Variants in PDIA5 observed in about 807,000 individuals in gnomAD.
PDIA5 encodes protein disulfide isomerase family A member 5, also known as protein disulfide-isomerase A5.
A neutral mutation model predicts 77.6 loss-of-function variants in PDIA5; 58 were observed. That is an observed-to-expected ratio of 0.75 (90% CI 0.61 to 0.93). PDIA5 has a LOEUF of 0.93. PDIA5 is among the 40% of genes least tolerant of loss of function. The pLI is 0.00. For missense variants in PDIA5, 630 were observed against 647.7 expected (o/e 0.97, Z 0.30); for synonymous variants, 250 against 252.1 (o/e 0.99, Z 0.08).
chr3:123,094,022 A>G (rs1560508096), intron 3 of PDIA5, among the ~76,000 whole-genome samples: 1 of 152,212 alleles, frequency 6.6e-6, no homozygotes, highest in Non-Finnish European at 1.5e-5. Context: ...GTGGCTGAAG[A>G]CAGACTATGG....
At chr3:123,077,781 C>A (rs1933892395) in intron 1 of PDIA5, among the ~76,000 whole-genome samples, 1 of 151,676 alleles carries the variant, frequency 6.6e-6, no homozygotes, top group African/African-American at 2.4e-5. Context: ...TTTTAAGGGG[C>A]ATACAGTATG....
At chr3:123,138,955 G>A (rs922310769) in intron 11 of PDIA5, among the ~76,000 whole-genome samples, 10 of 152,238 alleles carry the variant, frequency 6.6e-5, no homozygotes, top group African/African-American at 2.2e-4. Flanking sequence ...CCCTATAGCT[G>A]GCCTGTAGTA....
At chr3:123,099,611 G>C (rs1038452398) in intron 3 of PDIA5, among the ~76,000 whole-genome samples, 1 of 152,206 alleles carries the variant, frequency 6.6e-6, no homozygotes, top group African/African-American at 2.4e-5. Flanking sequence ...GCTGTGCACC[G>C]GGCTGAAACT....
rs757981510 is a variant in PDIA5 at position 123,106,842 on chromosome 3, G to A, written c.480+1G>A. The A allele has an allele frequency of 1.3e-6, 2 of 1,599,542 alleles. No individual in the cohort carries two copies. The highest frequency in any genetic ancestry group is 1.7e-6 in the Non-Finnish European group (2 of 1,168,220). Reference sequence around the variant, plus strand: ...TGTTGTCCACCTTGACAGTGAAAAGGTAATGTATTCCCCGTCAGTTCTGAT... The same window carrying A: ...TGTTGTCCACCTTGACAGTGAAAAGATAATGTATTCCCCGTCAGTTCTGAT... On this transcript the variant is annotated splice_donor_variant, in intron 6 of 16. Transcript: ENST00000316218. LOFTEE classifies it high-confidence loss of function.
intron 1 of PDIA5, among the ~76,000 whole-genome samples, chr3:123,076,823 A>G (rs538928766): frequency 6.6e-6 from 1 of 152,332 alleles, no homozygotes; most frequent in African/African-American, 2.4e-5. Context: ...TCTTGGCTCA[A>G]GAAGAGGTTT....
intron 11 of PDIA5, among the ~76,000 whole-genome samples, chr3:123,136,022 C>T (rs1190516183): frequency 6.6e-6 from 1 of 151,876 alleles, no homozygotes; most frequent in South Asian, 2.1e-4. Flanking sequence ...CCTCAAACTC[C>T]TGGGCTTAAA....
At position 123,148,905 on chromosome 3, in the gene PDIA5, C is replaced by T. The variant is rs993722445; in HGVS notation, c.1143-1329C>T. ...ACCCAGAAGCAGGGCGAGCAGACAG[C>T]GCCAGAAAAGGTGGATGGCATTTAC... On this transcript the variant is annotated intron_variant, in intron 13 of 16. Transcript: ENST00000316218. Among the ~76,000 whole-genome samples the T allele has an allele frequency of 3.3e-5, 5 of 152,184 alleles. No individual in the cohort carries two copies. The East Asian group carries it at 5.8e-4, about 18-fold the overall frequency.
chr3:123,078,009 C>T (rs1225638422), intron 1 of PDIA5, among the ~76,000 whole-genome samples: 1 of 152,006 alleles, frequency 6.6e-6, no homozygotes, highest in Non-Finnish European at 1.5e-5. Flanking sequence ...GGGGTTTCAC[C>T]ATATTGGCCA....
chr3:123,094,125 AT>A (rs1934372201), intron 3 of PDIA5, among the ~76,000 whole-genome samples: 1 of 152,250 alleles, frequency 6.6e-6, no homozygotes, highest in South Asian at 2.1e-4. Flanking sequence ...ATGTGCTCAA[AT>A]TAAAACTGGG....
chr3:123,130,480 T>TA lies in PDIA5; in HGVS notation c.774_775insA (p.Pro259ThrfsTer10). On this transcript the variant is annotated frameshift_variant and splice_region_variant, in exon 11 of 17. Coordinates refer to ENST00000316218, the MANE Select transcript of PDIA5 (RefSeq NM_006810.4). LOFTEE classifies it high-confidence loss of function. ...GCTCTGCCTGTTTTTGGTCTTCCAG[T>TA]CCGCAGCCGCCACAGCCCCAGGTCC... 6.2e-7 allele frequency: 1 copy of TA among 1,613,190 alleles called. No individual in the cohort carries two copies.
intron 3 of PDIA5, among the ~76,000 whole-genome samples, chr3:123,094,371 T>C (rs1261787330): frequency 6.6e-6 from 1 of 152,236 alleles, no homozygotes; most frequent in Non-Finnish European, 1.5e-5. Flanking sequence ...GTGCAATCTT[T>C]CTGGAGTAGC....
At chr3:123,084,909 A>G (rs1345841287) in intron 1 of PDIA5, among the ~76,000 whole-genome samples, 1 of 152,022 alleles carries the variant, frequency 6.6e-6, no homozygotes, top group Non-Finnish European at 1.5e-5. Context: ...ATGAGTCTCT[A>G]CAATATACTG....
At chr3:123,100,484 A>G (rs1560513558) in intron 3 of PDIA5, among the ~76,000 whole-genome samples, 2 of 152,290 alleles carry the variant, frequency 1.3e-5, no homozygotes, top group East Asian at 3.9e-4. Flanking sequence ...GGTAGGAACT[A>G]TTGCAGTGTC....
intron 1 of PDIA5, among the ~76,000 whole-genome samples, chr3:123,071,417 T>C (rs1056992617): frequency 1.3e-5 from 2 of 152,188 alleles, no homozygotes; most frequent in African/African-American, 4.8e-5. Context: ...GGCAGATGTT[T>C]GTTCCTGGCA....
At chr3:123,136,920 T>C (rs3106737) in intron 11 of PDIA5, among the ~76,000 whole-genome samples, 24,438 of 152,190 alleles carry the variant, frequency 0.16, 2,192 homozygotes, top group Middle Eastern at 0.23. Context: ...GAATAGTATT[T>C]TATAATTTGG....
chr3:123,100,056 C>T (rs1281396924), intron 3 of PDIA5, among the ~76,000 whole-genome samples: 1 of 152,230 alleles, frequency 6.6e-6, no homozygotes, highest in East Asian at 1.9e-4. Context: ...CAGCCTTGGC[C>T]CCTGCCCCAG....
chr3:123,106,629 T>G, intron 5 of PDIA5, 120 bp from the exon 6 acceptor site: 3 of 715,150 alleles, frequency 4.2e-6, no homozygotes, highest in South Asian at 1.5e-5. Flanking sequence ...CATGCAGTCC[T>G]GAGCTCAGCA....
chr3:123,154,854 C>T (rs904482344), intron 14 of PDIA5, 117 bp from the exon 15 acceptor site: 17 of 729,092 alleles, frequency 2.3e-5, no homozygotes, highest in African/African-American at 3.5e-5. Flanking sequence ...GACAGTGTGG[C>T]GGGCAGTGGG....
At chr3:123,095,705 C>T (rs751967419) in intron 3 of PDIA5, among the ~76,000 whole-genome samples, 34 of 149,152 alleles carry the variant, frequency 2.3e-4, no homozygotes, top group Non-Finnish European at 3.8e-4. Context: ...GCCGAGATCA[C>T]GCCATCGCAC....
Sources: gnomAD v4.1 joint callset for allele counts (sites outside exome capture counted in the v4.1 genomes callset) on GRCh38, gnomAD v4.1.1 for gene constraint, MANE v1.5 for transcripts, NCBI Gene and HGNC (gene_info 2026-07-23, HGNC 2026-07-21) for gene names.